MTUS1: variants seen among roughly 807,000 people sequenced by gnomAD.
MTUS1 encodes microtubule associated scaffold protein 1, also known as microtubule-associated tumor suppressor 1.
Under a neutral mutation model 120.8 loss-of-function variants are expected in MTUS1, and 109 were observed. The observed-to-expected ratio is 0.90, with a 90% confidence interval of 0.77 to 1.06. MTUS1 has a LOEUF of 1.06. Ranked by LOEUF, MTUS1 falls within the 50% of genes least tolerant of loss-of-function variation. The probability of loss-of-function intolerance (pLI) is 0.00; values close to 1 mark genes in which losing one functional copy is unlikely to be tolerated. For missense variants in MTUS1, 2,210 were observed against 1,486.3 expected (o/e 1.49, Z -8.01); for synonymous variants, 737 against 550.5 (o/e 1.34, Z -4.74).
chr8:17,659,387 A>T (rs1158376100), intron 8 of MTUS1, among the ~76,000 whole-genome samples: 1 of 152,166 alleles, frequency 6.6e-6, no homozygotes, highest in East Asian at 1.9e-4. Flanking sequence ...AAACAATTAA[A>T]AAATAAATAA....
intron 3 of MTUS1, among the ~76,000 whole-genome samples, chr8:17,731,732 A>G (rs968433875): frequency 6.6e-6 from 1 of 152,246 alleles, no homozygotes; most frequent in Non-Finnish European, 1.5e-5. Flanking sequence ...ATCAAAAAAA[A>G]ATCCTATGCC....
chr8:17,751,194 C>T (rs2048161125), intron 2 of MTUS1, among the ~76,000 whole-genome samples: 1 of 152,134 alleles, frequency 6.6e-6, no homozygotes, highest in Non-Finnish European at 1.5e-5. Context: ...CACCTGTAGT[C>T]CCAGCTACTT....
intron 1 of MTUS1, among the ~76,000 whole-genome samples, chr8:17,800,423 T>A (rs2052589620): frequency 1.3e-5 from 2 of 152,210 alleles, no homozygotes; most frequent in African/African-American, 4.8e-5. Flanking sequence ...TAACAGAGTA[T>A]GTGTAACTAC....
intron 6 of MTUS1, among the ~76,000 whole-genome samples, chr8:17,701,833 G>A (rs1461476031): frequency 6.6e-6 from 1 of 152,112 alleles, no homozygotes; most frequent in Non-Finnish European, 1.5e-5. Flanking sequence ...ACAAGCGTGA[G>A]CCACCGCACC....
chr8:17,680,149 G>C (rs886769313), intron 7 of MTUS1, among the ~76,000 whole-genome samples: 1 of 152,060 alleles, frequency 6.6e-6, no homozygotes, highest in African/African-American at 2.4e-5. Context: ...CGTAGATCTA[G>C]AAGGCCAGGA....
chr8:17,786,018 T>TA (rs2051275574), intron 1 of MTUS1, among the ~76,000 whole-genome samples: 1 of 152,150 alleles, frequency 6.6e-6, no homozygotes, highest in South Asian at 2.1e-4. Flanking sequence ...CACATGCCCA[T>TA]AGTCCCAGCT....
In MTUS1 at chr8:17,653,276, T is replaced by A; in HGVS notation, c.3294A>T (p.Gln1098His). ...LSEKQESLEKQINDLKSENDA... is the reference protein window; with the variant it reads ...LSEKQESLEKHINDLKSENDA... The stretch of plus-strand genomic sequence containing the variant: ...CATTTTCACTCTTCAGATCATTGAT[T>A]TGCTTCTAAAACACAATGAAATGTG... The change falls in exon 12 of 15, where the codon CAA (glutamine) becomes CAT (histidine). Residue 1098 changes from glutamine (Q) to histidine (H), a missense_variant. Physicochemically the swap from Gln to His is conservative, Grantham distance 24. Transcript: ENST00000693296. The A allele has an allele frequency of 6.4e-7, 1 of 1,553,112 alleles. No individual in the cohort carries two copies. The highest frequency in any genetic ancestry group is 8.7e-7 in the Non-Finnish European group (1 of 1,152,496).
rs76170348 is a variant in MTUS1 at position 17,723,992 on chromosome 8, C to A, written c.2288-159G>T. 1.9e-5 allele frequency: 12 copies of A among 616,796 alleles called. No homozygotes were observed. The Admixed American group carries it at 3.7e-4, about 19-fold the overall frequency. The allele number at this position is 616,796 out of a possible 1,614,324, so 38.2% of individuals were successfully genotyped here. Reference sequence around the variant, plus strand: ...CTTCAGATGAAAGATGAAAGCTTCACGCAGACATGTTTATTTTTGATCATT... The same window carrying A: ...CTTCAGATGAAAGATGAAAGCTTCAAGCAGACATGTTTATTTTTGATCATT... On this transcript the variant is annotated intron_variant, in intron 3 of 14. Coordinates refer to ENST00000693296, the MANE Select transcript of MTUS1 (RefSeq NM_001363059.2).
At chr8:17,720,771 T>C (rs753597384) in intron 4 of MTUS1, among the ~76,000 whole-genome samples, 1 of 152,212 alleles carries the variant, frequency 6.6e-6, no homozygotes, top group East Asian at 1.9e-4. Context: ...AACTGGATAT[T>C]AGGTATCTGA....
intron 3 of MTUS1, among the ~76,000 whole-genome samples, chr8:17,740,796 C>T (rs1465741217): frequency 6.6e-6 from 1 of 152,182 alleles, no homozygotes; most frequent in African/African-American, 2.4e-5. Flanking sequence ...CCAGCAAGGG[C>T]CCTCTTCCTG....
intron 1 of MTUS1, among the ~76,000 whole-genome samples, chr8:17,785,284 G>C (rs895231655): frequency 6.6e-6 from 1 of 152,172 alleles, no homozygotes; most frequent in East Asian, 1.9e-4. Context: ...GAAGCGACTG[G>C]AGGCTAAAGG....
chr8:17,683,088 C>T (rs968012156), intron 7 of MTUS1, among the ~76,000 whole-genome samples: 4 of 152,052 alleles, frequency 2.6e-5, no homozygotes, highest in African/African-American at 9.7e-5. Context: ...CTGCCTAACA[C>T]AGTGAAACCC....
intron 6 of MTUS1, among the ~76,000 whole-genome samples, chr8:17,706,643 T>C (rs1820225363): frequency 6.6e-6 from 1 of 152,250 alleles, no homozygotes; most frequent in Non-Finnish European, 1.5e-5. Context: ...GTGAAGTGAC[T>C]GTAAATGGGT....
chr8:17,673,098 C>T (rs909518844), intron 8 of MTUS1, among the ~76,000 whole-genome samples: 3 of 152,172 alleles, frequency 2.0e-5, no homozygotes, highest in Non-Finnish European at 4.4e-5. Flanking sequence ...GGCCTCTTTC[C>T]TGATCTTCTA....
At chr8:17,673,754 CCAGA>C (rs745913652) in intron 8 of MTUS1, among the ~76,000 whole-genome samples, 1 of 152,134 alleles carries the variant, frequency 6.6e-6, no homozygotes, top group East Asian at 1.9e-4. Context: ...CACACCCAGC[CCAGA>C]CAAAGTCTTG....
intron 3 of MTUS1, among the ~76,000 whole-genome samples, chr8:17,730,994 A>ATTT (rs36061044): frequency 0.79 from 120,585 of 151,854 alleles, 48,332 homozygotes; most frequent in Middle Eastern, 0.9. Flanking sequence ...TTTTGCCACA[A>ATTT]TTTAAGTTAA....
intron 7 of MTUS1, among the ~76,000 whole-genome samples, chr8:17,680,890 C>G (rs1027288601): frequency 2.6e-5 from 4 of 151,888 alleles, no homozygotes; most frequent in African/African-American, 9.7e-5. Flanking sequence ...CCTTCGTTCA[C>G]TGGGGGGAAT....
At chr8:17,689,759 C>A (rs954022820) in intron 6 of MTUS1, among the ~76,000 whole-genome samples, 1 of 152,096 alleles carries the variant, frequency 6.6e-6, no homozygotes, top group African/African-American at 2.4e-5. Flanking sequence ...TGATCTTTGA[C>A]AAAGTCAGCA....
At chr8:17,800,053 A>C (rs6586651) in intron 1 of MTUS1, among the ~76,000 whole-genome samples, 1 of 152,080 alleles carries the variant, frequency 6.6e-6, no homozygotes, top group African/African-American at 2.4e-5. Flanking sequence ...GAAAAAGCAA[A>C]CTGTCTACAG....
Sources: allele counts gnomAD v4.1 joint callset (sites outside exome capture counted in the v4.1 genomes callset), GRCh38; gene constraint gnomAD v4.1.1; transcripts MANE v1.5; gene names NCBI Gene and HGNC (gene_info 2026-07-23, HGNC 2026-07-21).